Variants in FSTL5 observed in about 807,000 individuals in gnomAD.
FSTL5 encodes follistatin like 5.
FSTL5 carries 62 observed loss-of-function variants against 89.1 expected under a neutral mutation model. That is an observed-to-expected ratio of 0.70 (90% CI 0.57 to 0.86). FSTL5 has a LOEUF of 0.86. Among genes scored for constraint, FSTL5 ranks in the 40% least tolerant of loss-of-function variants. The probability of loss-of-function intolerance (pLI) is 0.00; values close to 1 mark genes in which losing one functional copy is unlikely to be tolerated. For missense variants in FSTL5, 1,057 were observed against 1,001.6 expected (o/e 1.06, Z -0.75); for synonymous variants, 383 against 346.2 (o/e 1.11, Z -1.18).
chr4:161,459,525 A>G (rs565621439), intron 13 of FSTL5, among the ~76,000 whole-genome samples: 34 of 152,238 alleles, frequency 2.2e-4, no homozygotes, highest in African/African-American at 7.9e-4. Flanking sequence ...TTATCTTTCT[A>G]AATTTTTTAT....
chr4:161,838,962 T>C (rs918276325), intron 4 of FSTL5, among the ~76,000 whole-genome samples: 3 of 151,902 alleles, frequency 2.0e-5, no homozygotes, highest in Admixed American at 2.0e-4. Flanking sequence ...CTTTTTAATA[T>C]AAAACATAGG....
chr4:161,944,563 TATA>T (rs1237154209), intron 3 of FSTL5, among the ~76,000 whole-genome samples: 3 of 151,942 alleles, frequency 2.0e-5, no homozygotes, highest in Non-Finnish European at 4.4e-5. Flanking sequence ...CAGACTATGC[TATA>T]ATATTATTTA....
chr4:161,944,879 TA>T (rs1200880559), intron 3 of FSTL5, among the ~76,000 whole-genome samples: 1 of 151,612 alleles, frequency 6.6e-6, no homozygotes, highest in African/African-American at 2.4e-5. Flanking sequence ...TATTAAAATA[TA>T]ATAATTTAGG....
intron 1 of FSTL5, among the ~76,000 whole-genome samples, chr4:162,136,703 T>C (rs954807421): frequency 6.6e-6 from 1 of 152,068 alleles, no homozygotes; most frequent in South Asian, 2.1e-4. Context: ...TACCTATAAC[T>C]ATATTATCCA....
intron 15 of FSTL5, among the ~76,000 whole-genome samples, chr4:161,438,497 T>C (rs1410243713): frequency 6.6e-6 from 1 of 152,188 alleles, no homozygotes; most frequent in Non-Finnish European, 1.5e-5. Flanking sequence ...CCCTTTTATG[T>C]CTTGCTGATG....
intron 4 of FSTL5, among the ~76,000 whole-genome samples, chr4:161,803,076 C>A (rs1729848073): frequency 6.6e-6 from 1 of 151,792 alleles, no homozygotes; most frequent in Admixed American, 6.6e-5. Flanking sequence ...AACAAACAAA[C>A]AAAAAACCAC....
chr4:161,702,514 A>G (rs1416796139), intron 6 of FSTL5, among the ~76,000 whole-genome samples: 1 of 152,124 alleles, frequency 6.6e-6, no homozygotes, highest in Non-Finnish European at 1.5e-5. Flanking sequence ...GTATCGCTTT[A>G]GAGTAAACTC....
chr4:162,132,557 G>A (rs1732346642), intron 1 of FSTL5, among the ~76,000 whole-genome samples: 1 of 152,082 alleles, frequency 6.6e-6, no homozygotes, highest in South Asian at 2.1e-4. Context: ...CTTGAAGTCA[G>A]TGACACCAAG....
intron 15 of FSTL5, among the ~76,000 whole-genome samples, chr4:161,425,250 G>A (rs528081328): frequency 6.6e-6 from 1 of 152,120 alleles, no homozygotes; most frequent in Non-Finnish European, 1.5e-5. Flanking sequence ...ACTAAAGTTA[G>A]GGATAAACTG....
chr4:162,010,772 T>C (rs1310202845), intron 3 of FSTL5, among the ~76,000 whole-genome samples: 1 of 152,258 alleles, frequency 6.6e-6, no homozygotes, highest in African/African-American at 2.4e-5. Context: ...CCTGTGTCAG[T>C]ACCTCATTTT....
chr4:162,100,667 G>C (rs1730960625), intron 2 of FSTL5, among the ~76,000 whole-genome samples: 1 of 151,878 alleles, frequency 6.6e-6, no homozygotes, highest in Admixed American at 6.6e-5. Flanking sequence ...ATGAACTTTG[G>C]GTGATGATAA....
At chr4:161,758,907 A>C (rs1199527821) in intron 6 of FSTL5, among the ~76,000 whole-genome samples, 4 of 152,178 alleles carry the variant, frequency 2.6e-5, no homozygotes, top group African/African-American at 7.2e-5. Context: ...ACATTTAGTC[A>C]CTCTGAAGAC....
chr4:161,762,469 T>A (rs558928452), intron 5 of FSTL5, among the ~76,000 whole-genome samples: 2 of 152,204 alleles, frequency 1.3e-5, no homozygotes, highest in Non-Finnish European at 2.9e-5. Context: ...AAAAGGCACA[T>A]GTTAGTTCTT....
At chr4:161,612,321 G>A (rs1017441658) in intron 7 of FSTL5, among the ~76,000 whole-genome samples, 7 of 152,114 alleles carry the variant, frequency 4.6e-5, no homozygotes, top group African/African-American at 1.7e-4. Flanking sequence ...TAATAGCAAA[G>A]TAATAAAATA....
Position 161,719,735 on chromosome 4 carries a change from G to A in FSTL5, c.727+39676C>T, listed in dbSNP as rs184911312. Among the ~76,000 whole-genome samples, 515 of 152,068 alleles carry A rather than the reference G, an allele frequency of 3.4e-3. 7 individuals are homozygous for A. Among genetic ancestry groups the A allele is most frequent in the Non-Finnish European group, 6.0e-3 (405 of 67,964 alleles). ...TTTTTATGCCATTGTAAAGGGGATC[G>A]TTTTCTTAATTTCCCTTTCACATAG... On this transcript the variant is annotated intron_variant, in intron 6 of 15. Coordinates refer to ENST00000306100, the MANE Select transcript of FSTL5 (RefSeq NM_020116.5).
intron 1 of FSTL5, among the ~76,000 whole-genome samples, chr4:162,148,485 T>A (rs2111503892): frequency 6.6e-6 from 1 of 152,298 alleles, no homozygotes; most frequent in South Asian, 2.1e-4. Context: ...ATCAACATAA[T>A]GCTTTATTGA....
chr4:161,938,512 T>G (rs1049614608), intron 3 of FSTL5, among the ~76,000 whole-genome samples: 4 of 152,072 alleles, frequency 2.6e-5, no homozygotes, highest in Non-Finnish European at 5.9e-5. Context: ...GAATTGTTTC[T>G]ATGAGAAATA....
At chr4:162,064,573 C>T (rs1021797033) in intron 2 of FSTL5, among the ~76,000 whole-genome samples, 5 of 151,986 alleles carry the variant, frequency 3.3e-5, no homozygotes, top group South Asian at 2.1e-4. Flanking sequence ...CATACTAAAA[C>T]ATTGGCTTAT....
chr4:161,736,109 T>C (rs1270223203), intron 6 of FSTL5, among the ~76,000 whole-genome samples: 2 of 152,114 alleles, frequency 1.3e-5, no homozygotes, highest in East Asian at 3.9e-4. Flanking sequence ...TGTGACTTTA[T>C]TTATGAAATT....
Sources: allele counts gnomAD v4.1 joint callset (sites outside exome capture counted in the v4.1 genomes callset), GRCh38; gene constraint gnomAD v4.1.1; transcripts MANE v1.5; gene names NCBI Gene and HGNC (gene_info 2026-07-23, HGNC 2026-07-21).